Variants in IBTK observed in about 807,000 individuals in gnomAD.
IBTK encodes the protein inhibitor of Bruton tyrosine kinase, also known as BTK-binding protein.
In IBTK, 83 loss-of-function variants were observed where a neutral mutation model predicts 154.9. That is an observed-to-expected ratio of 0.54 (90% CI 0.45 to 0.64). The LOEUF (loss-of-function observed/expected upper bound fraction) is 0.64. IBTK is among the 30% of genes least tolerant of loss of function. The pLI, the probability that IBTK is intolerant of heterozygous loss-of-function variation, is 0.00. For missense variants in IBTK, 1,332 were observed against 1,584.6 expected (o/e 0.84, Z 2.71); for synonymous variants, 515 against 536.1 (o/e 0.96, Z 0.54).
At chr6:82,188,828 G>A (rs1017299079) in intron 25 of IBTK, among the ~76,000 whole-genome samples, 10 of 152,142 alleles carry the variant, frequency 6.6e-5, no homozygotes, top group African/African-American at 1.7e-4. Flanking sequence ...TCAGGAGTTC[G>A]AGACCAGCCT....
chr6:82,242,483 C>T (rs939665132), intron 1 of IBTK, among the ~76,000 whole-genome samples: 32 of 152,016 alleles, frequency 2.1e-4, no homozygotes, highest in East Asian at 1.3e-3. Flanking sequence ...AAAGTAATGG[C>T]GATTATTTTT....
chr6:82,231,874 A>C, intron 3 of IBTK, 32 bp from the exon 4 acceptor site: 1 of 1,339,340 alleles, frequency 7.5e-7, no homozygotes, highest in Non-Finnish European at 1.0e-6. Context: ...ATACTTTTTT[A>C]TATTTTAAAA....
chr6:82,191,256 C>CA, intron 24 of IBTK, 40 bp from the exon 25 acceptor site: 1 of 1,524,688 alleles, frequency 6.6e-7, no homozygotes, highest in East Asian at 2.3e-5. Flanking sequence ...TTTCTTCTGA[C>CA]AAAGTTTAAT....
chr6:82,241,190 G>A (rs1227610156), intron 1 of IBTK, among the ~76,000 whole-genome samples: 1 of 151,824 alleles, frequency 6.6e-6, no homozygotes, highest in African/African-American at 2.4e-5. Context: ...CACATTGGTT[G>A]TACTCTGGAG....
chr6:82,196,531 C>A, intron 21 of IBTK, 85 bp from the exon 22 acceptor site: 1 of 670,140 alleles, frequency 1.5e-6, no homozygotes. Context: ...GCTAAAAAAG[C>A]TTTCATTTAT....
intron 24 of IBTK, 104 bp from the exon 25 acceptor site, chr6:82,191,320 T>A: frequency 1.2e-6 from 1 of 861,728 alleles, no homozygotes; most frequent in Non-Finnish European, 1.8e-6. Context: ...AATTTCTGCT[T>A]AATAAAGGTT....
chr6:82,173,111 C>A, intron 27 of IBTK: 1 of 272,438 alleles, frequency 3.7e-6, no homozygotes, highest in Non-Finnish European at 6.8e-6. Context: ...AAACGATTCT[C>A]CTGTCCTAGC....
rs567629275 is a variant in IBTK, at chr6:82,214,101, G to A, written c.2204+126C>T. Reference sequence around the variant, plus strand: ...CTCCTGAGTAGCTGGGACTACAGGCGCCCGCCACCACACCCGGCTAATTTT... The same window carrying A: ...CTCCTGAGTAGCTGGGACTACAGGCACCCGCCACCACACCCGGCTAATTTT... On this transcript the variant is annotated intron_variant, in intron 12 of 28. Transcript: ENST00000306270. 742 of 841,500 alleles carry A rather than the reference G, an allele frequency of 8.8e-4. 5 individuals carry two copies. The African/African-American group carries it at 0.01, about 12-fold the overall frequency. The allele number at this position is 841,500 out of a possible 1,614,324, so 52.1% of individuals were successfully genotyped here.
At chr6:82,229,430 C>T (rs1259540509) in intron 4 of IBTK, among the ~76,000 whole-genome samples, 2 of 152,074 alleles carry the variant, frequency 1.3e-5, no homozygotes, top group South Asian at 2.1e-4. Flanking sequence ...ATCCCTGCTC[C>T]GTAACAGCTC....
chr6:82,182,068 T>G (rs929718683), intron 25 of IBTK, 40 bp from the exon 26 acceptor site: 2 of 1,565,866 alleles, frequency 1.3e-6, no homozygotes, highest in Middle Eastern at 1.7e-4. Context: ...ACATCCATTT[T>G]GTAAAAGGGC....
chr6:82,172,237 C>T (rs2127795091), intron 28 of IBTK, 143 bp downstream of exon 28: 1 of 684,386 alleles, frequency 1.5e-6, no homozygotes, highest in Non-Finnish European at 2.4e-6. Context: ...TGCTAGATGC[C>T]TCAGTTTAAT....
rs1363072352 is a variant in IBTK at position 82,220,675 on chromosome 6, T to C, written c.1163A>G (p.His388Arg). ...TTCAGGATCAACCTTGTATTCCATA[T>C]GACCCCCAGACACAAGAACTTTTTT... is the stretch of plus-strand genomic sequence containing the variant. ...NLKKVLVSGG[H>R]MEYKVDPEHL... Residue 388 changes from histidine to arginine, a missense_variant, in exon 9 of 29, where the codon CAT (histidine) becomes CGT (arginine). By Grantham distance (29) the His-to-Arg change is conservative. Coordinates refer to ENST00000306270, the MANE Select transcript of IBTK (RefSeq NM_015525.4). 11 of 1,609,464 alleles carry C rather than the reference T, an allele frequency of 6.8e-6. No homozygotes were observed. In the East Asian group the frequency reaches 2.0e-4, roughly 29 times the overall value.
chr6:82,172,696 A>C, intron 27 of IBTK, 184 bp from the exon 28 acceptor site: 1 of 549,420 alleles, frequency 1.8e-6, no homozygotes, highest in Non-Finnish European at 3.1e-6. Flanking sequence ...TTTGCATGCA[A>C]AATTTTCTCT....
intron 1 of IBTK, among the ~76,000 whole-genome samples, chr6:82,243,085 C>CA (rs1301655700): frequency 1.3e-5 from 2 of 151,658 alleles, no homozygotes; most frequent in African/African-American, 2.4e-5. Context: ...ACTAAAAATA[C>CA]AAAAAATTAG....
intron 26 of IBTK, among the ~76,000 whole-genome samples, chr6:82,176,798 C>T (rs970198677): frequency 1.3e-5 from 2 of 151,794 alleles, no homozygotes; most frequent in Non-Finnish European, 2.9e-5. Context: ...GAGATGAGTC[C>T]CCCACCCCTG....
At chr6:82,244,618 C>A (rs1771076015) in intron 1 of IBTK, among the ~76,000 whole-genome samples, 1 of 152,206 alleles carries the variant, frequency 6.6e-6, no homozygotes, top group South Asian at 2.1e-4. Context: ...CTACCGTACA[C>A]ATGATTATAA....
In IBTK at chr6:82,170,539, T is replaced by C. The variant is rs2127794381; in HGVS notation, c.*886A>G. 1 of 152,306 alleles carries C rather than the reference T, an allele frequency of 6.6e-6. No individual in the cohort carries two copies. Among genetic ancestry groups the C allele is most frequent in the East Asian group, 1.9e-4 (1 of 5,194 alleles). 9.4% of individuals were successfully genotyped at this position (152,306 alleles called of 1,614,324 possible). On this transcript the variant is annotated 3_prime_UTR_variant, in exon 29 of 29. Coordinates refer to ENST00000306270, the MANE Select transcript of IBTK (RefSeq NM_015525.4). ...TTTATGTCTAGATATACAATTGAGG[T>C]TCAGAGAACTTCTGATTATACAGTA...
intron 26 of IBTK, among the ~76,000 whole-genome samples, chr6:82,175,928 C>T (rs1323554476): frequency 1.3e-5 from 2 of 151,654 alleles, no homozygotes; most frequent in Admixed American, 6.6e-5. Context: ...ACTAGGGTGG[C>T]GGAGGCAGGA....
chr6:82,191,388 A>T, intron 24 of IBTK, 172 bp from the exon 25 acceptor site: 1 of 614,050 alleles, frequency 1.6e-6, no homozygotes, highest in East Asian at 2.9e-5. Flanking sequence ...ATTGGATCAA[A>T]ATGCTCACAA....
Sources: allele counts gnomAD v4.1 joint callset (sites outside exome capture counted in the v4.1 genomes callset), GRCh38; gene constraint gnomAD v4.1.1; transcripts MANE v1.5; gene names NCBI Gene and HGNC (gene_info 2026-07-23, HGNC 2026-07-21).